ELMOD3: variants seen among roughly 807,000 people sequenced by gnomAD.
ELMOD3 encodes the protein ELMO domain-containing protein 3.
Under a neutral mutation model 47.4 loss-of-function variants are expected in ELMOD3, and 36 were observed. The ratio of observed to expected loss-of-function variants is 0.76; its 90% CI spans 0.58 to 1.00. ELMOD3 has a LOEUF of 1.00. Among genes scored for constraint, ELMOD3 ranks in the 50% least tolerant of loss-of-function variants. The pLI is 0.00. For missense variants in ELMOD3, 404 were observed against 463.8 expected (o/e 0.87, Z 1.18); for synonymous variants, 149 against 183.5 (o/e 0.81, Z 1.52).
intron 12 of ELMOD3, 84 bp downstream of exon 12, chr2:85,389,911 C>T (rs1686201776): frequency 7.6e-7 from 1 of 1,317,656 alleles, no homozygotes; most frequent in Non-Finnish European, 1.1e-6. Flanking sequence ...CCCAGCTCTA[C>T]TCCACCTGCT....
Position 85,390,214 on chromosome 2 carries a change from G to A in ELMOD3, c.892G>A (p.Val298Ile), listed in dbSNP as rs1391412596. 1 of 1,614,220 alleles carries A rather than the reference G, an allele frequency of 6.2e-7. No individual in the cohort carries two copies. Among genetic ancestry groups the A allele is most frequent in the Admixed American group, 1.7e-5 (1 of 60,032 alleles). Reference sequence around the variant, plus strand: ...CGCCACATTCCTCCACCTCGCACATGTCTGGAGGACACAGCGGAAGACCAT... The same window carrying A: ...CGCCACATTCCTCCACCTCGCACATATCTGGAGGACACAGCGGAAGACCAT... ...YAATFLHLAH[V>I]WRTQRKTISD... The change falls in exon 13 of 14, where the codon GTC (valine) becomes ATC (isoleucine). Residue 298 changes from valine (V) to isoleucine (I), a missense_variant. Val to Ile is a conservative substitution (Grantham distance 29). Transcript: ENST00000409013.
At chr2:85,369,595 A>G in intron 7 of ELMOD3, 144 bp from the exon 8 acceptor site, 1 of 829,312 alleles carries the variant, frequency 1.2e-6, no homozygotes, top group Non-Finnish European at 2.0e-6. Context: ...GCCTCTTGAA[A>G]GAAGATTGGT....
intron 11 of ELMOD3, among the ~76,000 whole-genome samples, chr2:85,384,143 C>T (rs755760800): frequency 1.6e-4 from 24 of 152,184 alleles, no homozygotes; most frequent in African/African-American, 2.7e-4. Context: ...ATCAGATATG[C>T]GTTTATCTCA....
rs148576606 is a variant in ELMOD3, at chr2:85,383,491, C to G, written c.738+6017C>G. Among the ~76,000 whole-genome samples, 748 of 152,120 alleles carry G rather than the reference C, an allele frequency of 4.9e-3. 5 individuals are homozygous for G. Among genetic ancestry groups the G allele is most frequent in the African/African-American group, 0.017 (715 of 41,520 alleles). ...TTGAGAAAACCATAAAACCCAACCC[C>G]AGAGGGCAGGTCCAGACAGAGATAG... On this transcript the variant is annotated intron_variant, in intron 11 of 13. Transcript: ENST00000409013.
At chr2:85,384,749 T>G (rs1685816170) in intron 11 of ELMOD3, among the ~76,000 whole-genome samples, 1 of 152,098 alleles carries the variant, frequency 6.6e-6, no homozygotes, top group Admixed American at 6.5e-5. Context: ...CCAGCTAATT[T>G]TATTTTTTTA....
In ELMOD3 at chr2:85,356,979, G is replaced by A. The variant is rs534675980; in HGVS notation, c.-220G>A. 5.6e-4 allele frequency: 226 copies of A among 404,206 alleles called. No homozygotes were observed. The highest frequency in any genetic ancestry group is 4.2e-3 in the African/African-American group (203 of 48,330). 25.0% of individuals were successfully genotyped at this position (404,206 alleles called of 1,614,324 possible). On this transcript the variant is annotated 5_prime_UTR_variant, in exon 4 of 14. Coordinates refer to ENST00000409013, the MANE Select transcript of ELMOD3 (RefSeq NM_001135022.2). ...TTCTTTTGTGCAGAGCTGAGGCTTCGAAGACCTCAGAGGACTTCTCTCAGC... is the reference window on the plus strand; with the variant it reads ...TTCTTTTGTGCAGAGCTGAGGCTTCAAAGACCTCAGAGGACTTCTCTCAGC...
intron 6 of ELMOD3, among the ~76,000 whole-genome samples, chr2:85,366,639 T>C (rs1684407255): frequency 6.6e-6 from 1 of 152,244 alleles, no homozygotes; most frequent in African/African-American, 2.4e-5. Context: ...CCTGAAGACA[T>C]ACAGCTAGTA....
intron 7 of ELMOD3, 62 bp downstream of exon 7, chr2:85,368,816 CAT>C: frequency 6.4e-7 from 1 of 1,554,186 alleles, no homozygotes; most frequent in South Asian, 1.1e-5. Context: ...ACCATCCACA[CAT>C]GTGGCAAATG....
chr2:85,362,293 C>T, intron 5 of ELMOD3, 33 bp downstream of exon 5: 2 of 1,313,684 alleles, frequency 1.5e-6, no homozygotes, highest in South Asian at 1.2e-5. Flanking sequence ...TACCTTCTGC[C>T]AGGGCTTTTG....
At chr2:85,389,922 G>T (rs907975462) in intron 12 of ELMOD3, 95 bp downstream of exon 12, 1 of 1,237,986 alleles carries the variant, frequency 8.1e-7, no homozygotes, top group African/African-American at 1.5e-5. Context: ...TCCACCTGCT[G>T]GCTCCTGGAG....
intron 11 of ELMOD3, among the ~76,000 whole-genome samples, chr2:85,380,214 C>G (rs532729223): frequency 6.6e-6 from 1 of 152,260 alleles, no homozygotes; most frequent in East Asian, 1.9e-4. Context: ...CTGGAGAACT[C>G]AGGTAGAGAG....
In ELMOD3 at chr2:85,363,159, G is replaced by A. The variant is rs1454208144; in HGVS notation, c.192G>A (p.Glu64=). ...TGACCACAGAAGCTTATGAATGGGA[G>A]CCACGTGGTAAGGTTCCCTTCAGGG... ...QALTTEAYEW[E]PRVVSTEVVR... The change falls in exon 6 of 14, where the codon GAG becomes GAA. Residue 64 remains glutamate, a synonymous_variant. Transcript: ENST00000409013. The A allele has an allele frequency of 3.7e-6, 6 of 1,605,726 alleles. No homozygotes were observed. Among genetic ancestry groups the A allele is most frequent in the Non-Finnish European group, 5.1e-6 (6 of 1,172,666 alleles).
At chr2:85,377,315 A>G in intron 10 of ELMOD3, 29 bp from the exon 11 acceptor site, 1 of 1,557,338 alleles carries the variant, frequency 6.4e-7, no homozygotes. Flanking sequence ...TCGCTGCCAC[A>G]CCCTGTTTCC....
intron 8 of ELMOD3, among the ~76,000 whole-genome samples, chr2:85,370,582 C>T (rs1401022333): frequency 2.0e-5 from 3 of 152,124 alleles, no homozygotes; most frequent in Middle Eastern, 3.2e-3. Context: ...CGAAAGCTAC[C>T]GAAATCAGAA....
At chr2:85,369,859 A>T (rs775802928) in intron 8 of ELMOD3, 29 bp downstream of exon 8, 2 of 1,610,908 alleles carry the variant, frequency 1.2e-6, no homozygotes, top group South Asian at 2.2e-5. Flanking sequence ...TTGGAGTCTC[A>T]AGCAAAGTGC....
At chr2:85,389,671 G>A (rs988687742) in intron 11 of ELMOD3, 80 bp from the exon 12 acceptor site, 1 of 1,213,654 alleles carries the variant, frequency 8.2e-7, no homozygotes, top group Non-Finnish European at 1.2e-6. Flanking sequence ...GTGCTTGCCT[G>A]CGAGCCACAC....
intron 5 of ELMOD3, 55 bp from the exon 6 acceptor site, chr2:85,363,042 G>T: frequency 9.1e-7 from 1 of 1,094,700 alleles, no homozygotes; most frequent in Non-Finnish European, 1.4e-6. Flanking sequence ...AAGCGTTTGT[G>T]TATATGGGGG....
chr2:85,380,416 T>C (rs1032442294), intron 11 of ELMOD3, among the ~76,000 whole-genome samples: 5 of 152,238 alleles, frequency 3.3e-5, no homozygotes, highest in Admixed American at 6.5e-5. Flanking sequence ...ATGAACATTT[T>C]AGCTCTCCAT....
At chr2:85,363,866 G>A (rs1179234669) in intron 6 of ELMOD3, among the ~76,000 whole-genome samples, 3 of 152,156 alleles carry the variant, frequency 2.0e-5, no homozygotes, top group Admixed American at 1.3e-4. Context: ...ATTCAATTAT[G>A]TCCCACTAGG....
Sources: gnomAD v4.1 joint callset for allele counts (sites outside exome capture counted in the v4.1 genomes callset) on GRCh38, gnomAD v4.1.1 for gene constraint, MANE v1.5 for transcripts, NCBI Gene and HGNC (gene_info 2026-07-23, HGNC 2026-07-21) for gene names.